Variants in CUBN observed in about 807,000 individuals in gnomAD.
The protein encoded by CUBN is 460 kDa receptor.
In CUBN, 282 loss-of-function variants were observed where a neutral mutation model predicts 405.3. The ratio of observed to expected loss-of-function variants is 0.70; its 90% CI spans 0.63 to 0.77. CUBN has a LOEUF of 0.77. Among genes scored for constraint, CUBN ranks in the 30% least tolerant of loss-of-function variants. The pLI is 0.00. For missense variants in CUBN, 4,514 were observed against 4,475.2 expected (o/e 1.01, Z -0.25); for synonymous variants, 1,684 against 1,617.0 (o/e 1.04, Z -0.99).
chr10:16,968,434 C>T (rs1042797599), intron 31 of CUBN, among the ~76,000 whole-genome samples: 7 of 152,076 alleles, frequency 4.6e-5, no homozygotes, highest in Non-Finnish European at 8.8e-5. Context: ...TTTTTGGTAC[C>T]AGGCTCTGTT....
chr10:17,112,782 C>T (rs1436878033), intron 8 of CUBN, among the ~76,000 whole-genome samples: 2 of 151,860 alleles, frequency 1.3e-5, no homozygotes, highest in East Asian at 3.9e-4. Context: ...AGAAACTTGC[C>T]AAGAAACTTG....
chr10:16,962,555 T>C (rs1402315633), intron 31 of CUBN, among the ~76,000 whole-genome samples: 1 of 152,106 alleles, frequency 6.6e-6, no homozygotes, highest in Non-Finnish European at 1.5e-5. Flanking sequence ...ATAGACCTCG[T>C]GATTGGTTCT....
intron 15 of CUBN, among the ~76,000 whole-genome samples, chr10:17,087,466 C>CTTTTCTTTTTTTTT (rs1404980820): frequency 1.3e-5 from 1 of 79,788 alleles, no homozygotes; most frequent in Admixed American, 1.7e-4. Context: ...TATTATTTTT[C>CTTTTCTTTTTTTTT]TTTTTCTTTT....
At chr10:17,027,416 T>C (rs1834696697) in intron 27 of CUBN, among the ~76,000 whole-genome samples, 1 of 152,178 alleles carries the variant, frequency 6.6e-6, no homozygotes, top group East Asian at 1.9e-4. Flanking sequence ...AATAATCTCC[T>C]TCGAATATTA....
chr10:16,952,105 A>G (rs1265340101), intron 33 of CUBN, among the ~76,000 whole-genome samples, 171 bp downstream of exon 33: 1 of 152,204 alleles, frequency 6.6e-6, no homozygotes, highest in Non-Finnish European at 1.5e-5. Flanking sequence ...TGACTTCCCT[A>G]TCAGATTAGG....
At chr10:16,928,522 C>G (rs1425824860) in intron 40 of CUBN, among the ~76,000 whole-genome samples, 2 of 101,282 alleles carry the variant, frequency 2.0e-5, no homozygotes, top group African/African-American at 6.3e-5. Context: ...CCACCCCACC[C>G]CACCCCCCCC....
At chr10:16,959,259 A>G (rs900573736) in intron 31 of CUBN, among the ~76,000 whole-genome samples, 1 of 152,218 alleles carries the variant, frequency 6.6e-6, no homozygotes, top group African/African-American at 2.4e-5. Flanking sequence ...CAGGCTATCA[A>G]GGAGGGAGAA....
chr10:17,127,178 T>C (rs570693283), intron 3 of CUBN, among the ~76,000 whole-genome samples: 28 of 147,346 alleles, frequency 1.9e-4, no homozygotes, highest in African/African-American at 6.5e-4. Flanking sequence ...CTTTCTTTCT[T>C]TCTCTCTCTC....
intron 31 of CUBN, among the ~76,000 whole-genome samples, chr10:16,966,488 G>A (rs981392181): frequency 2.4e-4 from 36 of 150,800 alleles, no homozygotes; most frequent in South Asian, 2.1e-4. Flanking sequence ...TCGCTCTGTC[G>A]CCCAGAATGG....
intron 14 of CUBN, among the ~76,000 whole-genome samples, chr10:17,090,409 A>G (rs73602252): frequency 0.022 from 3,309 of 151,136 alleles, 143 homozygotes; most frequent in African/African-American, 0.076. Flanking sequence ...AGGGACAGGA[A>G]AAAAAAAAGC....
chr10:16,946,027 C>T (rs1842769283), intron 36 of CUBN, among the ~76,000 whole-genome samples: 1 of 152,176 alleles, frequency 6.6e-6, no homozygotes, highest in Admixed American at 6.5e-5. Context: ...AAAAGTAAGA[C>T]TTTTAAATAA....
chr10:17,119,001 T>G (rs1836969939), intron 6 of CUBN, among the ~76,000 whole-genome samples: 1 of 152,236 alleles, frequency 6.6e-6, no homozygotes, highest in Non-Finnish European at 1.5e-5. Flanking sequence ...ACACTGCAAG[T>G]GCATTTTGGC....
chr10:17,041,240 T>C lies in CUBN; in HGVS notation c.3830-20A>G. On this transcript the variant is annotated intron_variant, in intron 26 of 66. Transcript: ENST00000377833. ...CACATGCTGGAAAAAGAAATGACTGTTAAGAACCACTATTATATACTTCAT... is the reference window on the plus strand; with the variant it reads ...CACATGCTGGAAAAAGAAATGACTGCTAAGAACCACTATTATATACTTCAT... 1 of 1,600,248 alleles carries C rather than the reference T, an allele frequency of 6.2e-7. No individual in the cohort carries two copies.
At chr10:17,050,245 C>T (rs1246175589) in intron 22 of CUBN, among the ~76,000 whole-genome samples, 1 of 152,144 alleles carries the variant, frequency 6.6e-6, no homozygotes, top group East Asian at 1.9e-4. Context: ...AAACTAGCTG[C>T]TCTCCTTAAG....
intron 27 of CUBN, among the ~76,000 whole-genome samples, chr10:17,032,672 T>C (rs1834811044): frequency 6.6e-6 from 1 of 152,214 alleles, no homozygotes; most frequent in South Asian, 2.1e-4. Flanking sequence ...TAATGCCTCA[T>C]GAACTTCAAA....
At chr10:16,905,833 C>A (rs1270678441) in intron 50 of CUBN, among the ~76,000 whole-genome samples, 1 of 152,166 alleles carries the variant, frequency 6.6e-6, no homozygotes, top group African/African-American at 2.4e-5. Context: ...ATATTGTAGG[C>A]CAGCCGTGGT....
At chr10:16,912,839 T>A (rs1204209544) in intron 48 of CUBN, among the ~76,000 whole-genome samples, 2 of 152,098 alleles carry the variant, frequency 1.3e-5, no homozygotes, top group East Asian at 3.9e-4. Context: ...TTCCTCTGAG[T>A]TAGATGAGAA....
chr10:16,930,596 T>C (rs1842334694), intron 40 of CUBN, among the ~76,000 whole-genome samples: 1 of 152,198 alleles, frequency 6.6e-6, no homozygotes. Flanking sequence ...CTAGGACCAA[T>C]GTAGTTTCAT....
intron 36 of CUBN, among the ~76,000 whole-genome samples, chr10:16,945,968 C>G (rs567379569): frequency 2.0e-5 from 3 of 152,014 alleles, no homozygotes. Flanking sequence ...GGATAGTTGT[C>G]CCATATTTTT....
Sources: allele counts gnomAD v4.1 joint callset (sites outside exome capture counted in the v4.1 genomes callset), GRCh38; gene constraint gnomAD v4.1.1; transcripts MANE v1.5; gene names NCBI Gene and HGNC (gene_info 2026-07-23, HGNC 2026-07-21).